Variants in ZNF536 observed in about 807,000 individuals in gnomAD.
The protein encoded by ZNF536 is zinc finger protein 536.
ZNF536 carries 13 observed loss-of-function variants against 84.5 expected under a neutral mutation model. The ratio of observed to expected loss-of-function variants is 0.15; its 90% confidence interval spans 0.10 to 0.24. The LOEUF (loss-of-function observed/expected upper bound fraction) is 0.24. Among genes scored for constraint, ZNF536 ranks in the 10% least tolerant of loss-of-function variants. The pLI is 1.00. For synonymous variants in ZNF536, 811 were observed against 742.5 expected (o/e 1.09, Z -1.50); for missense variants, 1,536 against 1,747.5 (o/e 0.88, Z 2.16).
intron 1 of ZNF536, among the ~76,000 whole-genome samples, chr19:30,645,627 T>G (rs2049437668): frequency 6.6e-6 from 1 of 152,224 alleles, no homozygotes; most frequent in Non-Finnish European, 1.5e-5. Flanking sequence ...AAAAGGTAAA[T>G]GAAGTTCAAA....
chr19:30,292,812 AC>A (rs1331551506), intron 2 of ZNF536, among the ~76,000 whole-genome samples: 1 of 152,206 alleles, frequency 6.6e-6, no homozygotes, highest in Non-Finnish European at 1.5e-5. Context: ...TCTAAGACCC[AC>A]GCCTTATGTT....
At chr19:30,245,520 C>G (rs1460374142) in intron 1 of ZNF536, among the ~76,000 whole-genome samples, 1 of 152,094 alleles carries the variant, frequency 6.6e-6, no homozygotes, top group Non-Finnish European at 1.5e-5. Flanking sequence ...TGTCCTTGAC[C>G]CTTTGAGAAC....
At chr19:30,672,004 G>A (rs943570118) in intron 1 of ZNF536, among the ~76,000 whole-genome samples, 13 of 152,178 alleles carry the variant, frequency 8.5e-5, no homozygotes, top group African/African-American at 2.7e-4. Flanking sequence ...CCTGGGACCC[G>A]GCCCACTCAG....
chr19:30,661,789 T>C (rs2050130750), intron 1 of ZNF536, among the ~76,000 whole-genome samples: 2 of 152,180 alleles, frequency 1.3e-5, no homozygotes, highest in Admixed American at 6.5e-5. Context: ...GGGAGAAATA[T>C]TGACCTTACC....
downstream of ZNF536, among the ~76,000 whole-genome samples, chr19:30,558,670 C>T (rs540083257): frequency 7.7e-4 from 117 of 152,190 alleles, no homozygotes; most frequent in Middle Eastern, 6.8e-3. Context: ...TGGGAAGAAC[C>T]GATTTTGCTT....
intron 1 of ZNF536, among the ~76,000 whole-genome samples, chr19:30,401,060 T>TTTG (rs892571505): frequency 1.3e-5 from 2 of 152,092 alleles, no homozygotes; most frequent in African/African-American, 4.8e-5. Flanking sequence ...AGGTTCTCTT[T>TTTG]TTGTTGTTGT....
At chr19:30,354,906 G>A (rs1344693104) in intron 3 of ZNF536, among the ~76,000 whole-genome samples, 1 of 152,170 alleles carries the variant, frequency 6.6e-6, no homozygotes, top group Non-Finnish European at 1.5e-5. Flanking sequence ...AGAATGGGTT[G>A]GAAGTAGGCT....
chr19:30,471,229 T>A (rs2053623261), intron 2 of ZNF536, among the ~76,000 whole-genome samples: 1 of 152,180 alleles, frequency 6.6e-6, no homozygotes, highest in South Asian at 2.1e-4. Context: ...CGTGTCCTAT[T>A]AATCTGGCTT....
At chr19:30,392,738 A>G (rs1449280902) in intron 1 of ZNF536, among the ~76,000 whole-genome samples, 1 of 152,234 alleles carries the variant, frequency 6.6e-6, no homozygotes, top group Non-Finnish European at 1.5e-5. Flanking sequence ...TAACTTATTT[A>G]TTTGACTACA....
chr19:30,458,494 C>T (rs1321667338), intron 2 of ZNF536, among the ~76,000 whole-genome samples: 3 of 130,890 alleles, frequency 2.3e-5, no homozygotes, highest in East Asian at 2.2e-4. Context: ...TCTTGTTGCC[C>T]GGGCTGGAGT....
chr19:30,579,872 C>T (rs2046860175), intron 1 of ZNF536, among the ~76,000 whole-genome samples: 1 of 152,190 alleles, frequency 6.6e-6, no homozygotes, highest in Non-Finnish European at 1.5e-5. Flanking sequence ...CTACAACCAC[C>T]TGCTTTACCA....
At position 30,639,656 on chromosome 19, in the gene ZNF536, T is replaced by A. The variant is rs765577562; in HGVS notation, c.170-71101T>A. Among the ~76,000 whole-genome samples the A allele has an allele frequency of 2.6e-5, 4 of 152,396 alleles. No homozygotes were observed. The East Asian group carries it at 7.7e-4, about 29-fold the overall frequency. ...GGATTTATTTCTTATCTGTTCTTAC[T>A]CCTTCTTCTGCCCCTTTAGGGGTAA... On this transcript the variant is annotated intron_variant, in intron 1 of 1. Transcript: ENST00000592773.
intron 4 of ZNF536, among the ~76,000 whole-genome samples, chr19:30,551,360 C>A (rs542121171): frequency 5.9e-5 from 9 of 152,138 alleles, no homozygotes; most frequent in Admixed American, 1.3e-4. Flanking sequence ...TCGCACCAGG[C>A]GAGGTTGAAT....
rs556835599 is a variant in ZNF536, at chr19:30,617,333, C to CTTTTTTTTTTTTTTTTTTT, written c.169+67834_169+67852dup. Among the ~76,000 whole-genome samples, 25 of 37,712 alleles carry CTTTTTTTTTTTTTTTTTTT rather than the reference C, an allele frequency of 6.6e-4. 8 individuals are homozygous for CTTTTTTTTTTTTTTTTTTT. Among genetic ancestry groups the CTTTTTTTTTTTTTTTTTTT allele is most frequent in the Admixed American group, 1.6e-3 (3 of 1,918 alleles). 24.7% of individuals were successfully genotyped at this position (37,712 alleles called of 152,430 possible). Reference sequence around the variant, plus strand: ...GAGTCCACCATATCTGAATAGCTTACTTTTTTTTTTTTTTTTTTTTTTTTT... The same window carrying CTTTTTTTTTTTTTTTTTTT: ...GAGTCCACCATATCTGAATAGCTTACTTTTTTTTTTTTTTTTTTTTTTTTTTTTTTTTTTTTTTTTTTTT... On this transcript the variant is annotated intron_variant, in intron 1 of 1. Transcript: ENST00000592773.
intron 2 of ZNF536, among the ~76,000 whole-genome samples, chr19:30,450,947 C>T (rs758335382): frequency 2.6e-5 from 4 of 152,220 alleles, no homozygotes; most frequent in Non-Finnish European, 4.4e-5. Context: ...CTGTGAAAGC[C>T]GAGCGCCATA....
chr19:30,446,896 C>T (rs991228482), intron 2 of ZNF536, among the ~76,000 whole-genome samples: 2 of 152,138 alleles, frequency 1.3e-5, no homozygotes, highest in African/African-American at 2.4e-5. Context: ...GCAGGTAAGG[C>T]GTTGCCTTCA....
intron 1 of ZNF536, among the ~76,000 whole-genome samples, chr19:30,641,152 CA>C (rs1036375481): frequency 6.6e-6 from 1 of 152,160 alleles, no homozygotes; most frequent in Middle Eastern, 3.4e-3. Flanking sequence ...TACTTTTTCA[CA>C]AAAAATGGAA....
intron 1 of ZNF536, among the ~76,000 whole-genome samples, chr19:30,385,301 G>A (rs1448094645): frequency 2.6e-5 from 4 of 152,166 alleles, no homozygotes; most frequent in African/African-American, 4.8e-5. Flanking sequence ...TGACCCGATG[G>A]GGGTCAGTGT....
In ZNF536 at chr19:30,458,449, T is replaced by TTTTTTTTTTTTTTTTTTTTTTTTTG; in HGVS notation, c.2170+12738_2170+12739insTTTGTTTTTTTTTTTTTTTTTTTTT. On this transcript the variant is annotated intron_variant, in intron 2 of 4. Transcript: ENST00000355537. The stretch of plus-strand genomic sequence containing the variant: ...AAGTATTTCCTCAATTTCCTGCTGT[T>TTTTTTTTTTTTTTTTTTTTTTTTTG]TTTTTTTTTTTTTTTTTTTTTGACC... Among the ~76,000 whole-genome samples the TTTTTTTTTTTTTTTTTTTTTTTTTG allele has an allele frequency of 2.2e-5, 3 of 138,488 alleles. 1 individual carries two copies. Among genetic ancestry groups the TTTTTTTTTTTTTTTTTTTTTTTTTG allele is most frequent in the African/African-American group, 8.5e-5 (3 of 35,492 alleles). The allele number at this position is 138,488 out of a possible 152,430, so 90.9% of individuals were successfully genotyped here.
Sources: gnomAD v4.1 joint callset for allele counts (sites outside exome capture counted in the v4.1 genomes callset) on GRCh38, gnomAD v4.1.1 for gene constraint, MANE v1.5 for transcripts, NCBI Gene and HGNC (gene_info 2026-07-23, HGNC 2026-07-21) for gene names.